The following EIF4B variants were observed in gnomAD, a reference collection of about 807,000 sequenced individuals.
The protein encoded by EIF4B is eukaryotic translation initiation factor 4B.
EIF4B carries 8 observed loss-of-function variants against 79.3 expected under a neutral mutation model. The ratio of observed to expected loss-of-function variants is 0.10; its 90% CI spans 0.06 to 0.18. EIF4B has a LOEUF of 0.18. Among genes scored for constraint, EIF4B ranks in the 10% least tolerant of loss-of-function variants. The pLI, the probability that EIF4B is intolerant of heterozygous loss-of-function variation, is 1.00. For missense variants in EIF4B, 515 were observed against 792.4 expected (o/e 0.65, Z 4.20); for synonymous variants, 238 against 274.7 (o/e 0.87, Z 1.32).
At chr12:53,020,168 G>A in intron 4 of EIF4B, 142 bp downstream of exon 4, 1 of 635,624 alleles carries the variant, frequency 1.6e-6, no homozygotes, top group Non-Finnish European at 2.6e-6. Context: ...ATTTAACAGT[G>A]TATCACTTAA....
At chr12:53,022,783 T>G (rs967383004) in intron 6 of EIF4B, among the ~76,000 whole-genome samples, 156 bp downstream of exon 6, 1 of 152,214 alleles carries the variant, frequency 6.6e-6, no homozygotes, top group Non-Finnish European at 1.5e-5. Flanking sequence ...AACTGATAGA[T>G]GCAGGAAACG....
intron 1 of EIF4B, chr12:53,008,750 T>G (rs1943011727): frequency 6.6e-6 from 1 of 152,192 alleles, no homozygotes; most frequent in Non-Finnish European, 1.5e-5. Context: ...AAAAGAATTC[T>G]TAAAGGCCGG....
chr12:53,013,886 A>T (rs1467729503), intron 1 of EIF4B: 1 of 152,128 alleles, frequency 6.6e-6, no homozygotes, highest in East Asian at 1.9e-4. Flanking sequence ...AATAAGGCCA[A>T]GTGCAGTGGC....
intron 2 of EIF4B, 159 bp from the exon 3 acceptor site, chr12:53,018,638 TC>T: frequency 1.6e-6 from 1 of 639,158 alleles, no homozygotes. Flanking sequence ...CTCAGAAGCT[TC>T]TCTTCGTAAA....
chr12:53,025,878 C>CGG (rs1943325217), intron 6 of EIF4B, among the ~76,000 whole-genome samples: 1 of 152,010 alleles, frequency 6.6e-6, no homozygotes, highest in Non-Finnish European at 1.5e-5. Context: ...GAGGCGGAGG[C>CGG]GGGCGGATCA....
chr12:53,022,439 T>C lies in EIF4B; in HGVS notation c.533-54T>C, dbSNP rs1049807067. The C allele has an allele frequency of 2.3e-5, 37 of 1,601,920 alleles. 1 individual carries two copies. In the Middle Eastern group the frequency reaches 8.4e-4, roughly 36 times the overall value. ...GGGGGTTTTCTATGTGTGAGAAATA[T>C]TGGGCAAAGTTTTTATGAGATAACT... On this transcript the variant is annotated intron_variant, in intron 5 of 14. Transcript: ENST00000262056.
chr12:53,033,490 G>A (rs775514680), intron 8 of EIF4B, among the ~76,000 whole-genome samples: 11 of 151,668 alleles, frequency 7.3e-5, no homozygotes, highest in Non-Finnish European at 1.0e-4. Flanking sequence ...CTACAGGTGC[G>A]CGCCCCAACG....
chr12:53,038,130 A>G (rs922923769), intron 11 of EIF4B: 1 of 354,824 alleles, frequency 2.8e-6, no homozygotes, highest in Non-Finnish European at 5.1e-6. Flanking sequence ...AGAAAAGAAA[A>G]TAGCAATACT....
intron 1 of EIF4B, among the ~76,000 whole-genome samples, chr12:53,006,757 C>T (rs964205211): frequency 1.3e-5 from 2 of 151,772 alleles, no homozygotes; most frequent in Non-Finnish European, 2.9e-5. Flanking sequence ...TAGACTCTGG[C>T]TTGAATTGGG....
intron 4 of EIF4B, among the ~76,000 whole-genome samples, chr12:53,021,339 C>T (rs1943244378): frequency 6.6e-6 from 1 of 152,148 alleles, no homozygotes; most frequent in Non-Finnish European, 1.5e-5. Context: ...CGCTATATTG[C>T]CCAGGCTGGA....
At chr12:53,033,709 T>G (rs2120971252) in intron 8 of EIF4B, 97 bp from the exon 9 acceptor site, 1 of 1,310,536 alleles carries the variant, frequency 7.6e-7, no homozygotes, top group South Asian at 1.5e-5. Flanking sequence ...TTGAATCTCA[T>G]GTAGCATTTC....
rs571585600 is a variant in EIF4B at position 53,037,211 on chromosome 12, A to G, written c.1307-198A>G. Among the ~76,000 whole-genome samples the G allele has an allele frequency of 8.7e-4, 132 of 152,322 alleles. 1 individual carries two copies. Among genetic ancestry groups the G allele is most frequent in the Middle Eastern group, 6.8e-3 (2 of 294 alleles). Reference sequence around the variant, plus strand: ...GCTGGGTGTCCCTTAAGTTGTATACATGGTCATTATTTTTTCTATTTCTCT... The same window carrying G: ...GCTGGGTGTCCCTTAAGTTGTATACGTGGTCATTATTTTTTCTATTTCTCT... On this transcript the variant is annotated intron_variant, in intron 10 of 14. Coordinates refer to ENST00000262056, the MANE Select transcript of EIF4B (RefSeq NM_001417.7).
At chr12:53,008,019 A>C (rs1942997210) in intron 1 of EIF4B, among the ~76,000 whole-genome samples, 1 of 152,246 alleles carries the variant, frequency 6.6e-6, no homozygotes, top group Non-Finnish European at 1.5e-5. Flanking sequence ...ACGCTGCCCG[A>C]AAGCATCTGA....
chr12:53,024,334 C>T (rs1449895041), intron 6 of EIF4B, among the ~76,000 whole-genome samples: 4 of 152,076 alleles, frequency 2.6e-5, no homozygotes, highest in African/African-American at 7.2e-5. Flanking sequence ...GGATAAAATT[C>T]AAAACCTGTT....
chr12:53,024,996 C>T (rs1943311069), intron 6 of EIF4B, among the ~76,000 whole-genome samples: 1 of 151,966 alleles, frequency 6.6e-6, no homozygotes, highest in Admixed American at 6.6e-5. Context: ...GAGCTTTGTA[C>T]TAAATATAAT....
At position 53,008,460 on chromosome 12, in the gene EIF4B, T is replaced by C. The variant is rs1424848665; in HGVS notation, c.13+1964T>C. On this transcript the variant is annotated intron_variant, in intron 1 of 14. Coordinates refer to ENST00000262056, the MANE Select transcript of EIF4B (RefSeq NM_001417.7). ...ATCGGATTGTTTCCCCGCTCCTCTT[T>C]CCAGTCACACTGGCTTTGTGAAGTA... is the stretch of plus-strand genomic sequence containing the variant. 9 of 152,382 alleles carry C rather than the reference T, an allele frequency of 5.9e-5. No homozygotes were observed. The East Asian group carries it at 1.7e-3, about 29-fold the overall frequency. 9.4% of individuals were successfully genotyped at this position (152,382 alleles called of 1,614,324 possible). A position where few individuals can be genotyped will look rare whatever the true frequency, so the allele number is the denominator to read the frequency against.
intron 8 of EIF4B, among the ~76,000 whole-genome samples, chr12:53,029,894 AAAT>A (rs755909329): frequency 6.8e-6 from 1 of 147,460 alleles, no homozygotes; most frequent in Non-Finnish European, 1.5e-5. Flanking sequence ...TCCTTCCTCA[AAAT>A]AATAATAATA....
intron 6 of EIF4B, among the ~76,000 whole-genome samples, chr12:53,025,924 G>A (rs1943326237): frequency 6.6e-6 from 1 of 152,010 alleles, no homozygotes; most frequent in Admixed American, 6.6e-5. Flanking sequence ...TGGCTAACAC[G>A]GTGAAACCCT....
In EIF4B at chr12:53,039,232, A is replaced by G. The variant is rs1383275539; in HGVS notation, c.1577-6A>G. On this transcript the variant is annotated splice_polypyrimidine_tract_variant and splice_region_variant and intron_variant, in intron 12 of 14. Coordinates refer to ENST00000262056, the MANE Select transcript of EIF4B (RefSeq NM_001417.7). The stretch of plus-strand genomic sequence containing the variant: ...CTTTAATTTGTTTACATTACTGCCC[A>G]AGCAGATGAAAATAAAGTAGATGGG... The G allele has an allele frequency of 6.3e-7, 1 of 1,594,076 alleles. No homozygotes were observed. Among genetic ancestry groups the G allele is most frequent in the South Asian group, 1.1e-5 (1 of 88,552 alleles).
Sources: gnomAD v4.1 joint callset for allele counts (sites outside exome capture counted in the v4.1 genomes callset) on GRCh38, gnomAD v4.1.1 for gene constraint, MANE v1.5 for transcripts, NCBI Gene and HGNC (gene_info 2026-07-23, HGNC 2026-07-21) for gene names.